BCL7C: variants seen among roughly 807,000 people sequenced by gnomAD.
The protein encoded by BCL7C is B-cell CLL/lymphoma 7 protein family member C.
BCL7C carries 8 observed loss-of-function variants against 26.2 expected under a neutral mutation model. That is an observed-to-expected ratio of 0.30 (90% confidence interval 0.18 to 0.55). BCL7C has a LOEUF of 0.55. BCL7C is among the 20% of genes least tolerant of loss of function. BCL7C has a pLI of 0.93. For synonymous variants in BCL7C, 90 were observed against 116.5 expected, an observed-to-expected ratio of 0.77 and a Z score of 1.47; for missense variants, 262 against 298.5, an observed-to-expected ratio of 0.88 and a Z score of 0.90.
downstream of BCL7C, among the ~76,000 whole-genome samples, chr16:30,885,711 G>A (rs1217130799): frequency 6.6e-6 from 1 of 151,962 alleles, no homozygotes; most frequent in East Asian, 1.9e-4. Context: ...GCTAATGTCT[G>A]TGGCTTTGAG....
intron 5 of BCL7C, among the ~76,000 whole-genome samples, chr16:30,853,185 A>G (rs1246977820): frequency 6.6e-6 from 1 of 151,410 alleles, no homozygotes; most frequent in East Asian, 2.0e-4. Flanking sequence ...TGATCCACCC[A>G]CCTCAGCCTC....
Position 30,854,044 on chromosome 16 carries a change from C to T in BCL7C, c.529-18896G>A, listed in dbSNP as rs569844119. 3.9e-5 allele frequency among the ~76,000 whole-genome samples: 6 copies of T among 152,264 alleles called. No homozygotes were observed. In the South Asian group the frequency reaches 1.2e-3, roughly 32 times the overall value. ...AAGTCACAGATGTGTTGCAATCCTT[C>T]CAGAATTGTCTCAGTGGCTTCTCAG... On this transcript the variant is annotated intron_variant, in intron 5 of 5. Coordinates refer to the BCL7C transcript ENST00000380317.
downstream of BCL7C, among the ~76,000 whole-genome samples, chr16:30,886,333 G>A (rs909023126): frequency 2.0e-5 from 3 of 152,126 alleles, no homozygotes; most frequent in South Asian, 6.2e-4. Flanking sequence ...TTGCTCAGAT[G>A]AACAAACTAA....
At chr16:30,868,751 C>A (rs1026152468) in intron 5 of BCL7C, among the ~76,000 whole-genome samples, 12 of 151,504 alleles carry the variant, frequency 7.9e-5, no homozygotes, top group African/African-American at 2.9e-4. Context: ...CGCCATTGCA[C>A]TCCAGCCTGG....
At chr16:30,890,116 C>T (rs913628089) in intron 4 of BCL7C, among the ~76,000 whole-genome samples, 1 of 152,048 alleles carries the variant, frequency 6.6e-6, no homozygotes, top group African/African-American at 2.4e-5. Context: ...GCAGAGCTGG[C>T]TGGGCACGGT....
intron 5 of BCL7C, among the ~76,000 whole-genome samples, chr16:30,850,922 G>C (rs189416991): frequency 5.1e-4 from 78 of 152,298 alleles, no homozygotes; most frequent in African/African-American, 1.8e-3. Flanking sequence ...TTAGCTAAGT[G>C]CAACTTTTGG....
intron 4 of BCL7C, among the ~76,000 whole-genome samples, chr16:30,891,763 A>G (rs1475108555): frequency 7.2e-5 from 11 of 151,772 alleles, no homozygotes; most frequent in Admixed American, 7.2e-4. Flanking sequence ...CCACGAGTTC[A>G]AAACCAACCT....
At position 30,892,698 on chromosome 16, in the gene BCL7C, G is replaced by C. The variant is rs149020890; in HGVS notation, c.330C>G (p.Gly110=). The C allele has an allele frequency of 4.3e-6, 7 of 1,614,010 alleles. No individual in the cohort carries two copies. Among genetic ancestry groups the C allele is most frequent in the Non-Finnish European group, 5.1e-6 (6 of 1,180,006 alleles). Residue 110 remains glycine (G), a synonymous_variant, in exon 4 of 6, where the codon GGC becomes GGG. Coordinates refer to ENST00000215115, the MANE Select transcript of BCL7C (RefSeq NM_004765.4). The stretch of plus-strand genomic sequence containing the variant: ...GGGTGCCCCCAGGACTGGGCTCTGT[G>C]CCCTTTTGCAGGGAACCTTCCGAAT... ...SFHSEGSLQK[G]TEPSPGGTPQ...
chr16:30,884,124 CAA>C (rs748829653), downstream of BCL7C, among the ~76,000 whole-genome samples: 5 of 54,852 alleles, frequency 9.1e-5, no homozygotes, highest in Non-Finnish European at 1.4e-4. Flanking sequence ...AACTCCGTCT[CAA>C]AAAAAAAAAA....
chr16:30,844,041 CAAAAAAAAAA>C (rs533064710), intron 5 of BCL7C, among the ~76,000 whole-genome samples: 1 of 24,378 alleles, frequency 4.1e-5, no homozygotes, highest in Non-Finnish European at 7.1e-5. Flanking sequence ...GACTCTGCCT[CAAAAAAAAAA>C]AAAAAAAAAA....
chr16:30,887,916 C>T lies in BCL7C; in HGVS notation c.603G>A (p.Ser201=), dbSNP rs757302754. The change falls in exon 6 of 6, where the codon TCG becomes TCA. Residue 201 remains serine, a synonymous_variant. Transcript: ENST00000215115. The stretch of plus-strand genomic sequence containing the variant: ...TGCGCTTGAGTGGGGGGGCACCCTC[C>T]GAGTCCTCTGTGTCACCCTGGGCTG... The part of the protein sequence containing the change: ...PEAAQGDTED[S]EGAPPLKRIC... The T allele has an allele frequency of 1.7e-5, 27 of 1,603,944 alleles. No individual in the cohort carries two copies. Among genetic ancestry groups the T allele is most frequent in the Non-Finnish European group, 2.2e-5 (26 of 1,175,874 alleles).
chr16:30,841,984 G>A (rs1001148094), intron 5 of BCL7C, among the ~76,000 whole-genome samples: 1 of 106,318 alleles, frequency 9.4e-6, no homozygotes, highest in Non-Finnish European at 1.9e-5. Flanking sequence ...AAAAGCTCAG[G>A]GCCCTTGTCC....
downstream of BCL7C, among the ~76,000 whole-genome samples, chr16:30,885,136 C>CTT (rs1333776888): frequency 6.6e-6 from 1 of 152,142 alleles, no homozygotes; most frequent in Non-Finnish European, 1.5e-5. Context: ...TGTGATGAAA[C>CTT]TAAGGATTGT....
At position 30,893,169 on chromosome 16, in the gene BCL7C, G is replaced by A; in HGVS notation, c.171+43C>T. On this transcript the variant is annotated intron_variant, in intron 2 of 5. Coordinates refer to ENST00000215115, the MANE Select transcript of BCL7C (RefSeq NM_004765.4). This position sits in a 1 kb window ranked among gnomAD's most constrained non-coding sequence, Gnocchi z 5.2. ...TCAGCGTGGGGAGGAACTTGCCTGA[G>A]GTTGCACAGATGCAGGGCCTTGTGG... The A allele has an allele frequency of 6.3e-7, 1 of 1,591,432 alleles. No homozygotes were observed. Among genetic ancestry groups the A allele is most frequent in the Non-Finnish European group, 8.6e-7 (1 of 1,163,888 alleles).
At chr16:30,861,707 A>T (rs1596594535) in intron 5 of BCL7C, among the ~76,000 whole-genome samples, 1 of 151,704 alleles carries the variant, frequency 6.6e-6, no homozygotes, top group Admixed American at 6.6e-5. Context: ...GTGGAGGGTA[A>T]CTCCGTCCCC....
At chr16:30,835,815 C>T (rs2054565870) in intron 5 of BCL7C, among the ~76,000 whole-genome samples, 2 of 151,872 alleles carry the variant, frequency 1.3e-5, no homozygotes, top group Admixed American at 1.3e-4. Flanking sequence ...CACTGCACTC[C>T]AGCCTGGGCG....
intron 5 of BCL7C, among the ~76,000 whole-genome samples, chr16:30,877,199 G>A (rs1284715156): frequency 7.3e-6 from 1 of 137,316 alleles, no homozygotes; most frequent in African/African-American, 2.7e-5. Flanking sequence ...ACCAACCTCC[G>A]CCCCATGACC....
At chr16:30,836,471 C>CTTTTTT (rs762842983) in intron 5 of BCL7C, among the ~76,000 whole-genome samples, 2 of 116,962 alleles carry the variant, frequency 1.7e-5, no homozygotes, top group Non-Finnish European at 3.6e-5. Context: ...GAGACCCTGT[C>CTTTTTT]TTTTTTTTTT....
chr16:30,839,113 T>C (rs1456327249), intron 5 of BCL7C, among the ~76,000 whole-genome samples: 8 of 152,354 alleles, frequency 5.3e-5, no homozygotes, highest in Non-Finnish European at 5.9e-5. Context: ...GAGGTTTGTA[T>C]AGTTAGTGCA....
Sources: gnomAD v4.1 joint callset for allele counts (sites outside exome capture counted in the v4.1 genomes callset) on GRCh38, gnomAD v4.1.1 for gene constraint, Gnocchi (gnomAD v3.1) non-coding constraint, MANE v1.5 for transcripts, NCBI Gene and HGNC (gene_info 2026-07-23, HGNC 2026-07-21) for gene names.